CCDC192: variants seen among roughly 807,000 people sequenced by gnomAD.
CCDC192 encodes the protein coiled-coil domain containing 192.
At chr5:127,800,376 G>GAAAA (rs1168212422) in intron 5 of CCDC192, among the ~76,000 whole-genome samples, 1,871 of 19,262 alleles carry the variant, frequency 0.097, 49 homozygotes, top group Middle Eastern at 0.25. Flanking sequence ...GAGGTATTCT[G>GAAAA]AAAAAAAAAA....
intron 3 of CCDC192, among the ~76,000 whole-genome samples, chr5:127,764,988 T>A (rs756222341): frequency 6.6e-5 from 10 of 152,218 alleles, no homozygotes; most frequent in Non-Finnish European, 1.5e-4. Context: ...AAGTGTTTAA[T>A]GTTGAAGTCT....
chr5:127,843,029 GTTTTT>G, intron 5 of CCDC192, among the ~76,000 whole-genome samples: 1 of 91,758 alleles, frequency 1.1e-5, no homozygotes, highest in African/African-American at 4.2e-5. Flanking sequence ...TTTTAGTCAA[GTTTTT>G]TTTTTTTTTT....
chr5:127,772,966 AC>A (rs1755650007), intron 3 of CCDC192, among the ~76,000 whole-genome samples: 1 of 152,102 alleles, frequency 6.6e-6, no homozygotes, highest in South Asian at 2.1e-4. Flanking sequence ...TCAGGGACTT[AC>A]TGAGGTTGTC....
At chr5:127,765,969 C>A in intron 3 of CCDC192, among the ~76,000 whole-genome samples, 1 of 152,202 alleles carries the variant, frequency 6.6e-6, no homozygotes, top group East Asian at 1.9e-4. Flanking sequence ...TTTCCCTGCT[C>A]ACTGAAATTC....
intron 6 of CCDC192, among the ~76,000 whole-genome samples, chr5:127,939,227 C>T (rs113076820): frequency 0.012 from 1,675 of 143,712 alleles, 38 homozygotes; most frequent in African/African-American, 0.041. Flanking sequence ...AAGTGATTCT[C>T]GAGCCTCAGC....
intron 5 of CCDC192, among the ~76,000 whole-genome samples, chr5:127,863,476 C>T (rs532951515): frequency 2.4e-4 from 36 of 152,208 alleles, no homozygotes; most frequent in African/African-American, 6.5e-4. Context: ...CTGTGTGATT[C>T]CACTTATATG....
upstream of CCDC192, among the ~76,000 whole-genome samples, chr5:127,702,422 A>G (rs1039383283): frequency 6.6e-6 from 1 of 152,180 alleles, no homozygotes; most frequent in Non-Finnish European, 1.5e-5. Flanking sequence ...CAACCGCTCA[A>G]TAGTTCTTAA....
chr5:127,829,922 G>T (rs114547698), intron 5 of CCDC192, among the ~76,000 whole-genome samples: 1 of 151,988 alleles, frequency 6.6e-6, no homozygotes. Context: ...AGGAAAAAAT[G>T]TACTCTATTT....
chr5:127,852,726 GTTTGGCAAC>G (rs1350658658), intron 5 of CCDC192, among the ~76,000 whole-genome samples: 1 of 152,154 alleles, frequency 6.6e-6, no homozygotes, highest in Non-Finnish European at 1.5e-5. Flanking sequence ...GTTCTTAACT[GTTTGGCAAC>G]TATCATCAGT....
chr5:127,918,975 A>G (rs1048127898), intron 6 of CCDC192, among the ~76,000 whole-genome samples: 1 of 140,142 alleles, frequency 7.1e-6, no homozygotes, highest in Non-Finnish European at 1.6e-5. Context: ...CTGTGTGTAT[A>G]TGTGTGTGTG....
intron 6 of CCDC192, among the ~76,000 whole-genome samples, chr5:127,908,260 A>G (rs993055611): frequency 6.6e-6 from 1 of 152,298 alleles, no homozygotes; most frequent in East Asian, 1.9e-4. Flanking sequence ...AATAATCCAA[A>G]CACATTTATT....
intron 6 of CCDC192, among the ~76,000 whole-genome samples, chr5:127,940,135 T>C (rs1262850287): frequency 6.6e-6 from 1 of 152,234 alleles, no homozygotes; most frequent in East Asian, 1.9e-4. Flanking sequence ...ACTCATCTTT[T>C]ATCTCTTTGT....
At chr5:127,777,432 T>C (rs148715485) in intron 3 of CCDC192, among the ~76,000 whole-genome samples, 2,530 of 152,332 alleles carry the variant, frequency 0.017, 33 homozygotes, top group African/African-American at 0.039. Flanking sequence ...CTTTTGATTT[T>C]ACAGGCTCAT....
intron 5 of CCDC192, among the ~76,000 whole-genome samples, chr5:127,844,050 C>G (rs74383144): frequency 6.6e-6 from 1 of 152,180 alleles, no homozygotes; most frequent in Non-Finnish European, 1.5e-5. Flanking sequence ...CTATAAAAAA[C>G]GTAAAATAAA....
At chr5:127,815,939 T>C (rs778554511) in intron 5 of CCDC192, among the ~76,000 whole-genome samples, 27 of 152,164 alleles carry the variant, frequency 1.8e-4, no homozygotes, top group Non-Finnish European at 3.1e-4. Context: ...ACTGATTATA[T>C]TTGGGATCAG....
intron 3 of CCDC192, among the ~76,000 whole-genome samples, chr5:127,772,063 C>T (rs1755586870): frequency 6.6e-6 from 1 of 152,194 alleles, no homozygotes; most frequent in African/African-American, 2.4e-5. Context: ...TTTTGCCAGG[C>T]ACCCCTTCCT....
intron 3 of CCDC192, among the ~76,000 whole-genome samples, chr5:127,792,676 A>G (rs1228269962): frequency 6.6e-6 from 1 of 151,830 alleles, no homozygotes; most frequent in Non-Finnish European, 1.5e-5. Flanking sequence ...GTTGCACTCC[A>G]GCTTGGGTGA....
chr5:127,767,940 T>G (rs59513079), intron 3 of CCDC192, among the ~76,000 whole-genome samples: 42,067 of 151,986 alleles, frequency 0.28, 6,552 homozygotes, highest in South Asian at 0.43. Flanking sequence ...TTTAAAAGGG[T>G]CATTGCACAT....
intron 5 of CCDC192, among the ~76,000 whole-genome samples, chr5:127,831,582 C>T (rs1749799609): frequency 6.6e-6 from 1 of 151,956 alleles, no homozygotes; most frequent in Admixed American, 6.6e-5. Flanking sequence ...AAGGAAACAA[C>T]TTATGGAGGT....
Sources: gnomAD v4.1 joint callset for allele counts (sites outside exome capture counted in the v4.1 genomes callset) on GRCh38, gnomAD v4.1.1 for gene constraint, MANE v1.5 for transcripts, NCBI Gene and HGNC (gene_info 2026-07-23, HGNC 2026-07-21) for gene names.